Variants in RIMKLA observed in about 807,000 individuals in gnomAD.
RIMKLA encodes N-acetylaspartylglutamate synthase A.
Under a neutral mutation model 32.7 loss-of-function variants are expected in RIMKLA, and 14 were observed. The observed-to-expected ratio is 0.43, with a 90% CI of 0.28 to 0.67. RIMKLA has a LOEUF of 0.67. RIMKLA is among the 30% of genes least tolerant of loss of function. The pLI, the probability that RIMKLA is intolerant of heterozygous loss-of-function variation, is 0.18. For missense variants in RIMKLA, 410 were observed against 519.0 expected (o/e 0.79, Z 2.04); for synonymous variants, 176 against 204.1 (o/e 0.86, Z 1.18).
Position 42,421,999 on chromosome 1 carries a change from A to G in RIMKLA, c.*7025A>G, listed in dbSNP as rs1208318167. On this transcript the variant is annotated 3_prime_UTR_variant, in exon 5 of 5. Coordinates refer to ENST00000431473, the MANE Select transcript of RIMKLA (RefSeq NM_173642.4). The surrounding 1 kb of genome is among the most constrained non-coding windows in gnomAD (Gnocchi z 4.6). ...CATCAGTAGCTGGGGAATCGGCCCT[A>G]TTGAGAGTATTTACACCACAGAGAT... 1 of 152,160 alleles carries G rather than the reference A, an allele frequency of 6.6e-6. No homozygotes were observed. Among genetic ancestry groups the G allele is most frequent in the African/African-American group, 2.4e-5 (1 of 41,428 alleles). 9.4% of individuals were successfully genotyped at this position (152,160 alleles called of 1,614,324 possible).
chr1:42,392,726 G>A (rs1643010572), intron 1 of RIMKLA, among the ~76,000 whole-genome samples: 2 of 152,104 alleles, frequency 1.3e-5, no homozygotes, highest in Non-Finnish European at 2.9e-5. Context: ...TAGACATTAT[G>A]AGTTTATGAA....
At chr1:42,413,784 G>C (rs905839585) in intron 4 of RIMKLA, among the ~76,000 whole-genome samples, 1 of 150,600 alleles carries the variant, frequency 6.6e-6, no homozygotes, top group Non-Finnish European at 1.5e-5. Context: ...ACAGGCTGGC[G>C]TGGAGTGGCA....
chr1:42,387,655 C>T (rs995292928), intron 1 of RIMKLA, among the ~76,000 whole-genome samples: 1 of 152,114 alleles, frequency 6.6e-6, no homozygotes, highest in Non-Finnish European at 1.5e-5. Context: ...GGAACAGAGG[C>T]AGGCTTCACG....
At chr1:42,407,350 C>A (rs1643156293) in intron 3 of RIMKLA, among the ~76,000 whole-genome samples, 1 of 98,652 alleles carries the variant, frequency 1.0e-5, no homozygotes, top group Admixed American at 9.4e-5. Context: ...TCTAACTTGT[C>A]TATTTTTTTT....
In RIMKLA at chr1:42,399,504, G is replaced by A. The variant is rs754905555; in HGVS notation, c.264G>A (p.Leu88=). 2.3e-5 allele frequency: 37 copies of A among 1,613,420 alleles called. No individual in the cohort carries two copies. Among genetic ancestry groups the A allele is most frequent in the Middle Eastern group, 3.3e-4 (2 of 6,062 alleles). The change falls in exon 2 of 5, where the codon CTG becomes CTA. Residue 88 remains leucine (L), a synonymous_variant. Coordinates refer to ENST00000431473, the MANE Select transcript of RIMKLA (RefSeq NM_173642.4). ...SVQSDSDITV[L]RHLEKLGCRL... ...AGTCAGACAGTGACATCACTGTCCT[G>A]CGACACCTGGAGAAGCTGGGCTGCC...
rs567242667 is a variant in RIMKLA, at chr1:42,408,667, C to T, written c.482-1317C>T. On this transcript the variant is annotated intron_variant, in intron 3 of 4. Coordinates refer to ENST00000431473, the MANE Select transcript of RIMKLA (RefSeq NM_173642.4). The stretch of plus-strand genomic sequence containing the variant: ...AACTCCTGACCTGAGGTGATCTGCC[C>T]GCCTCAGCCTCCCAAAGTGCTAGGA... Among the ~76,000 whole-genome samples the T allele has an allele frequency of 3.4e-4, 52 of 152,128 alleles. No homozygotes were observed. In the South Asian group the frequency reaches 7.9e-3, roughly 23 times the overall value.
At chr1:42,381,967 T>C (rs374613812) in intron 1 of RIMKLA, among the ~76,000 whole-genome samples, 16 of 152,324 alleles carry the variant, frequency 1.1e-4, no homozygotes, top group African/African-American at 3.8e-4. Context: ...TCAAAAGGAT[T>C]TGCGCCCAGT....
rs796692306 is a variant in RIMKLA at position 42,416,087 on chromosome 1, C to CGGTG, written c.*1115_*1116insTGGG. On this transcript the variant is annotated 3_prime_UTR_variant, in exon 5 of 5. Transcript: ENST00000431473. The stretch of plus-strand genomic sequence containing the variant: ...CAGGAATTACCCATTGCACATTTTG[C>CGGTG]GGGGGGGGGGGCTAATGTAGACATG... 1 of 95,694 alleles carries CGGTG rather than the reference C, an allele frequency of 1.0e-5. No individual in the cohort carries two copies. The highest frequency in any genetic ancestry group is 2.5e-5 in the Non-Finnish European group (1 of 40,582). The allele number at this position is 95,694 out of a possible 1,614,324, so 5.9% of individuals were successfully genotyped here.
intron 1 of RIMKLA, among the ~76,000 whole-genome samples, chr1:42,382,918 G>A (rs912712389): frequency 6.6e-6 from 1 of 151,950 alleles, no homozygotes; most frequent in Middle Eastern, 3.2e-3. Context: ...GAATGCAATG[G>A]CGCCATCTTG....
At chr1:42,398,839 C>T (rs756420705) in intron 1 of RIMKLA, among the ~76,000 whole-genome samples, 1 of 151,824 alleles carries the variant, frequency 6.6e-6, no homozygotes, top group Non-Finnish European at 1.5e-5. Flanking sequence ...TGGTGGTGCA[C>T]GCCTGTAGTT....
rs958152812 is a variant in RIMKLA, at chr1:42,415,681, G to C, written c.*707G>C. Reference sequence around the variant, plus strand: ...GCTTCAACTAACGTCAGCTCTAGCAGCTTCTTGCACCTTTGCTGCCTTTGG... The same window carrying C: ...GCTTCAACTAACGTCAGCTCTAGCACCTTCTTGCACCTTTGCTGCCTTTGG... On this transcript the variant is annotated 3_prime_UTR_variant, in exon 5 of 5. Transcript: ENST00000431473. 1.3e-5 allele frequency: 2 copies of C among 152,218 alleles called. No homozygotes were observed. The highest frequency in any genetic ancestry group is 4.8e-5 in the African/African-American group (2 of 41,466). The allele number at this position is 152,218 out of a possible 1,614,324, so 9.4% of individuals were successfully genotyped here.
chr1:42,395,033 C>T (rs2148387506), intron 1 of RIMKLA, among the ~76,000 whole-genome samples: 1 of 152,292 alleles, frequency 6.6e-6, no homozygotes, highest in East Asian at 1.9e-4. Flanking sequence ...GCCACTGTGC[C>T]CCGCCTAGTT....
intron 1 of RIMKLA, among the ~76,000 whole-genome samples, chr1:42,381,751 C>T (rs1235175361): frequency 1.3e-5 from 2 of 152,186 alleles, no homozygotes; most frequent in Admixed American, 1.3e-4. Context: ...ACTGATCACT[C>T]CACTGCTGTG....
At chr1:42,388,212 TTTTG>T (rs887388760) in intron 1 of RIMKLA, among the ~76,000 whole-genome samples, 16 of 152,092 alleles carry the variant, frequency 1.1e-4, no homozygotes, top group African/African-American at 3.6e-4. Flanking sequence ...GAAGGATATT[TTTTG>T]TTTGTTTGAG....
rs1643305074 is a variant in RIMKLA at position 42,422,730 on chromosome 1, C to G, written c.*7756C>G. On this transcript the variant is annotated 3_prime_UTR_variant, in exon 5 of 5. Coordinates refer to ENST00000431473, the MANE Select transcript of RIMKLA (RefSeq NM_173642.4). ...GAAGAAACTTCACCCTATTCACTTGCACACCAGCTGCGTTCTGAAAAACTA... is the reference window on the plus strand; with the variant it reads ...GAAGAAACTTCACCCTATTCACTTGGACACCAGCTGCGTTCTGAAAAACTA... 6.6e-6 allele frequency among the ~76,000 whole-genome samples: 1 copy of G among 152,160 alleles called. No homozygotes were observed. The highest frequency in any genetic ancestry group is 2.4e-5 in the African/African-American group (1 of 41,440).
intron 3 of RIMKLA, among the ~76,000 whole-genome samples, chr1:42,405,619 T>C (rs10890192): frequency 0.63 from 96,063 of 152,004 alleles, 30,822 homozygotes; most frequent in African/African-American, 0.7. Flanking sequence ...GACAGCACTC[T>C]ATCCTGGGCG....
intron 1 of RIMKLA, among the ~76,000 whole-genome samples, chr1:42,383,344 G>T (rs1404564544): frequency 6.6e-6 from 1 of 152,206 alleles, no homozygotes; most frequent in African/African-American, 2.4e-5. Flanking sequence ...CACCAATTCT[G>T]CTGTCCAAAG....
intron 1 of RIMKLA, among the ~76,000 whole-genome samples, chr1:42,394,291 A>G (rs17378178): frequency 0.17 from 25,865 of 152,264 alleles, 2,328 homozygotes; most frequent in East Asian, 0.22. Context: ...CATACCAGAC[A>G]TCCGTTTGGT....
chr1:42,412,331 C>A (rs1553177438), intron 4 of RIMKLA: 1 of 175,238 alleles, frequency 5.7e-6, no homozygotes, highest in Non-Finnish European at 1.2e-5. Context: ...CTTTCCATAT[C>A]TCTCTCTCTC....
Sources: gnomAD v4.1 joint callset for allele counts (sites outside exome capture counted in the v4.1 genomes callset) on GRCh38, gnomAD v4.1.1 for gene constraint, Gnocchi (gnomAD v3.1) non-coding constraint, MANE v1.5 for transcripts, NCBI Gene and HGNC (gene_info 2026-07-23, HGNC 2026-07-21) for gene names.